DEPTOR: variants seen among roughly 807,000 people sequenced by gnomAD.
The protein encoded by DEPTOR is DEP domain containing MTOR interacting protein, also known as DEP domain-containing mTOR-interacting protein.
In DEPTOR, 41 loss-of-function variants were observed where a neutral mutation model predicts 41.6. That is an observed-to-expected ratio of 0.98 (90% CI 0.77 to 1.28). The LOEUF (loss-of-function observed/expected upper bound fraction) is 1.28. Among genes scored for constraint, DEPTOR ranks in the 50% most tolerant of loss-of-function variants. The pLI is 0.00. For missense variants in DEPTOR, 514 were observed against 527.9 expected (o/e 0.97, Z 0.26); for synonymous variants, 195 against 192.3 (o/e 1.01, Z -0.12).
chr8:119,929,961 C>T (rs1432372616), intron 3 of DEPTOR, 23 bp downstream of exon 3: 2 of 1,597,808 alleles, frequency 1.3e-6, no homozygotes, highest in African/African-American at 1.3e-5. Flanking sequence ...TGAAATCCCC[C>T]CTGTAATCTT....
intron 4 of DEPTOR, among the ~76,000 whole-genome samples, chr8:119,968,517 G>T (rs1828592758): frequency 6.6e-6 from 1 of 152,052 alleles, no homozygotes; most frequent in Non-Finnish European, 1.5e-5. Context: ...GGCCAGGTGG[G>T]TCTTGAACTT....
chr8:120,046,829 A>G lies in DEPTOR; in HGVS notation c.1102-2747A>G, dbSNP rs992596744. Among the ~76,000 whole-genome samples, 8 of 152,138 alleles carry G rather than the reference A, an allele frequency of 5.3e-5. 1 individual carries two copies. The highest frequency in any genetic ancestry group is 1.7e-4 in the African/African-American group (7 of 41,438). On this transcript the variant is annotated intron_variant, in intron 8 of 8. Transcript: ENST00000286234. ...TTCAACGCTTTTCCCTCTGGTGGCCATAGATCAGGGACCACAAACTCACAT... is the reference window on the plus strand; with the variant it reads ...TTCAACGCTTTTCCCTCTGGTGGCCGTAGATCAGGGACCACAAACTCACAT...
In DEPTOR at chr8:119,924,571, C is replaced by T. The variant is rs539408420; in HGVS notation, c.123-3829C>T. On this transcript the variant is annotated intron_variant, in intron 1 of 8. Transcript: ENST00000286234. ...TACTTTATTTATGTTTTCATCTTTT[C>T]CCTTTATTCAAAAATTACAAAGACT... Among the ~76,000 whole-genome samples the T allele has an allele frequency of 1.7e-3, 253 of 152,138 alleles. 7 individuals are homozygous for T. Among genetic ancestry groups the T allele is most frequent in the Non-Finnish European group, 9.0e-4 (61 of 68,004 alleles).
chr8:119,892,862 A>T (rs538085059), intron 1 of DEPTOR, among the ~76,000 whole-genome samples: 37 of 151,808 alleles, frequency 2.4e-4, no homozygotes, highest in South Asian at 1.5e-3. Flanking sequence ...GGCTCACTGC[A>T]ACCTCTGTTT....
intron 3 of DEPTOR, among the ~76,000 whole-genome samples, chr8:119,935,292 A>G (rs182024846): frequency 6.6e-6 from 1 of 152,334 alleles, no homozygotes; most frequent in Admixed American, 6.5e-5. Flanking sequence ...TCTCAAAGGA[A>G]ACCTTTATAA....
chr8:120,022,102 G>A (rs1342047258), intron 8 of DEPTOR, among the ~76,000 whole-genome samples: 1 of 141,822 alleles, frequency 7.1e-6, no homozygotes, highest in Non-Finnish European at 1.5e-5. Flanking sequence ...AGGTTACAGC[G>A]AACTGTGATC....
intron 8 of DEPTOR, among the ~76,000 whole-genome samples, chr8:120,020,049 T>A (rs1382643345): frequency 6.6e-6 from 1 of 150,758 alleles, no homozygotes; most frequent in East Asian, 1.9e-4. Flanking sequence ...CATCTCTGAC[T>A]TCTCCTGCCA....
At chr8:119,963,292 A>G (rs549981237) in intron 3 of DEPTOR, among the ~76,000 whole-genome samples, 2 of 151,892 alleles carry the variant, frequency 1.3e-5, no homozygotes, top group Non-Finnish European at 2.9e-5. Flanking sequence ...AAACCAATAG[A>G]GTGTGATTGA....
rs562307183 is a variant in DEPTOR at position 119,902,991 on chromosome 8, C to T, written c.123-25409C>T. 2.6e-4 allele frequency among the ~76,000 whole-genome samples: 40 copies of T among 152,248 alleles called. No individual in the cohort carries two copies. In the South Asian group the frequency reaches 7.9e-3, roughly 30 times the overall value. ...GTGAAATGTACTAAAATTGTGTGCTCCGTGAGGGCAGGGTCTATGTGTGTC... is the reference window on the plus strand; with the variant it reads ...GTGAAATGTACTAAAATTGTGTGCTTCGTGAGGGCAGGGTCTATGTGTGTC... On this transcript the variant is annotated intron_variant, in intron 1 of 8. Coordinates refer to ENST00000286234, the MANE Select transcript of DEPTOR (RefSeq NM_022783.4).
intron 3 of DEPTOR, among the ~76,000 whole-genome samples, chr8:119,953,647 G>A (rs986974142): frequency 3.3e-5 from 5 of 151,702 alleles, no homozygotes; most frequent in South Asian, 2.1e-4. Flanking sequence ...TATGATCTAC[G>A]GTTAATAGAC....
At chr8:119,958,112 T>C (rs183377265) in intron 3 of DEPTOR, among the ~76,000 whole-genome samples, 2 of 152,336 alleles carry the variant, frequency 1.3e-5, no homozygotes, top group East Asian at 1.9e-4. Context: ...GATTTAGCAG[T>C]CTAAAACAAC....
At chr8:119,908,946 C>T (rs1586609789) in intron 1 of DEPTOR, among the ~76,000 whole-genome samples, 1 of 152,056 alleles carries the variant, frequency 6.6e-6, no homozygotes, top group Non-Finnish European at 1.5e-5. Context: ...GGAACAGAGC[C>T]TTAGGCTAAA....
intron 1 of DEPTOR, among the ~76,000 whole-genome samples, chr8:119,890,829 G>A (rs1267065661): frequency 2.0e-5 from 3 of 152,018 alleles, no homozygotes; most frequent in Non-Finnish European, 4.4e-5. Context: ...TTTGAATCCA[G>A]GCCTCTCAGA....
intron 4 of DEPTOR, among the ~76,000 whole-genome samples, chr8:119,976,299 A>C (rs1317272264): frequency 6.6e-6 from 1 of 152,078 alleles, no homozygotes; most frequent in Non-Finnish European, 1.5e-5. Flanking sequence ...CTAGAGAGTA[A>C]ATGTTTTAAG....
At chr8:119,919,586 G>A (rs1036982919) in intron 1 of DEPTOR, among the ~76,000 whole-genome samples, 5 of 151,948 alleles carry the variant, frequency 3.3e-5, no homozygotes, top group African/African-American at 4.8e-5. Context: ...GTCTTTCAAC[G>A]GTGTGTGATA....
At chr8:120,020,658 G>T (rs1444181773) in intron 8 of DEPTOR, among the ~76,000 whole-genome samples, 2 of 152,190 alleles carry the variant, frequency 1.3e-5, no homozygotes, top group Non-Finnish European at 2.9e-5. Context: ...CTGTCGAAGA[G>T]GCTTGCCTTA....
chr8:119,953,152 G>A (rs1828374767), intron 3 of DEPTOR, among the ~76,000 whole-genome samples: 1 of 152,140 alleles, frequency 6.6e-6, no homozygotes, highest in South Asian at 2.1e-4. Context: ...TTGCTGTTGG[G>A]GCCAAGGGAG....
At chr8:119,911,936 CT>C (rs374692323) in intron 1 of DEPTOR, among the ~76,000 whole-genome samples, 37 of 152,278 alleles carry the variant, frequency 2.4e-4, no homozygotes, top group Non-Finnish European at 5.0e-4. Flanking sequence ...ACCCTAAGCC[CT>C]GTCCCACACA....
At chr8:119,959,540 T>C (rs1343222104) in intron 3 of DEPTOR, among the ~76,000 whole-genome samples, 4 of 151,558 alleles carry the variant, frequency 2.6e-5, no homozygotes, top group Non-Finnish European at 5.9e-5. Flanking sequence ...TCTTTTTTTT[T>C]TTTTGAAACG....
Sources: gnomAD v4.1 joint callset for allele counts (sites outside exome capture counted in the v4.1 genomes callset) on GRCh38, gnomAD v4.1.1 for gene constraint, MANE v1.5 for transcripts, NCBI Gene and HGNC (gene_info 2026-07-23, HGNC 2026-07-21) for gene names.